The following ANKFN1 variants were observed in gnomAD, a reference collection of about 807,000 sequenced individuals.
ANKFN1 encodes ankyrin repeat and fibronectin type III domain containing 1.
A neutral mutation model predicts 108.7 loss-of-function variants in ANKFN1; 74 were observed. That is an observed-to-expected ratio of 0.68 (90% CI 0.56 to 0.83). The LOEUF is 0.83. Ranked by LOEUF, ANKFN1 falls within the 40% of genes least tolerant of loss-of-function variation. ANKFN1 has a pLI of 0.00. For missense variants in ANKFN1, 1,505 were observed against 1,382.3 expected (o/e 1.09, Z -1.41); for synonymous variants, 547 against 516.2 (o/e 1.06, Z -0.81).
At chr17:56,414,418 A>G (rs1049003704) in intron 8 of ANKFN1, among the ~76,000 whole-genome samples, 4 of 152,210 alleles carry the variant, frequency 2.6e-5, no homozygotes, top group African/African-American at 9.6e-5. Flanking sequence ...CACTTATACT[A>G]TAACCAGACA....
intron 3 of ANKFN1, among the ~76,000 whole-genome samples, chr17:56,256,195 A>T (rs1384199528): frequency 6.6e-6 from 1 of 152,206 alleles, no homozygotes; most frequent in Non-Finnish European, 1.5e-5. Context: ...GGAAAGATTA[A>T]TGAAAACATT....
At chr17:56,397,355 C>G (rs191111045) in intron 8 of ANKFN1, among the ~76,000 whole-genome samples, 12 of 152,280 alleles carry the variant, frequency 7.9e-5, no homozygotes, top group Middle Eastern at 3.4e-3. Flanking sequence ...AAGAACTACA[C>G]CAATCAATAG....
chr17:56,499,708 A>G (rs1276501092), intron 20 of ANKFN1, among the ~76,000 whole-genome samples: 1 of 152,090 alleles, frequency 6.6e-6, no homozygotes, highest in Non-Finnish European at 1.5e-5. Context: ...CTAGCAAGGC[A>G]CCTCTCCACC....
chr17:56,193,337 G>T (rs1436136776), intron 1 of ANKFN1, among the ~76,000 whole-genome samples: 1 of 147,056 alleles, frequency 6.8e-6, no homozygotes, highest in Non-Finnish European at 1.5e-5. Flanking sequence ...CACCAGCATG[G>T]CACATGTATA....
intron 4 of ANKFN1, among the ~76,000 whole-genome samples, chr17:56,084,019 C>T (rs112999848): frequency 1.2e-4 from 18 of 151,342 alleles, no homozygotes; most frequent in African/African-American, 4.1e-4. Flanking sequence ...AGAGCCTGTA[C>T]TCAGAGGGAA....
At chr17:56,174,763 G>A (rs1040085778) in intron 1 of ANKFN1, among the ~76,000 whole-genome samples, 3 of 152,094 alleles carry the variant, frequency 2.0e-5, no homozygotes, top group East Asian at 1.9e-4. Flanking sequence ...TCTCCCTAGC[G>A]GAGTCCCTCC....
At chr17:56,466,982 T>C (rs2050094155) in intron 15 of ANKFN1, among the ~76,000 whole-genome samples, 1 of 151,998 alleles carries the variant, frequency 6.6e-6, no homozygotes. Context: ...GCTGGGTATG[T>C]GGTGCACACT....
At chr17:56,194,449 T>C (rs1398422717) in intron 1 of ANKFN1, among the ~76,000 whole-genome samples, 1 of 152,126 alleles carries the variant, frequency 6.6e-6, no homozygotes, top group African/African-American at 2.4e-5. Context: ...AGCTCACAAG[T>C]CATGAAAAGA....
chr17:56,085,018 T>A (rs1905290849), intron 4 of ANKFN1, among the ~76,000 whole-genome samples: 1 of 150,894 alleles, frequency 6.6e-6, no homozygotes, highest in Admixed American at 6.6e-5. Flanking sequence ...GTAGATCACG[T>A]CTCCTGGTTT....
chr17:56,484,815 C>A (rs975858855), intron 18 of ANKFN1, among the ~76,000 whole-genome samples: 1 of 152,196 alleles, frequency 6.6e-6, no homozygotes, highest in Non-Finnish European at 1.5e-5. Flanking sequence ...CATTGTTATT[C>A]CATGATTACA....
chr17:56,326,772 T>C (rs1388884576), intron 4 of ANKFN1, among the ~76,000 whole-genome samples: 2 of 152,240 alleles, frequency 1.3e-5, no homozygotes, highest in Non-Finnish European at 2.9e-5. Flanking sequence ...TCCATCATGC[T>C]GATAATCCTG....
chr17:56,212,458 T>C (rs908618338), intron 1 of ANKFN1, among the ~76,000 whole-genome samples, 140 bp from the exon 2 acceptor site: 1 of 152,154 alleles, frequency 6.6e-6, no homozygotes, highest in Non-Finnish European at 1.5e-5. Context: ...TTGTTGAGGA[T>C]TTTTGCATTT....
intron 8 of ANKFN1, among the ~76,000 whole-genome samples, chr17:56,397,429 G>A (rs1363892079): frequency 6.6e-6 from 1 of 152,212 alleles, no homozygotes; most frequent in Non-Finnish European, 1.5e-5. Flanking sequence ...CACTGCCAAA[G>A]GAAGGATTTA....
chr17:56,287,013 G>T (rs746050894), intron 3 of ANKFN1, among the ~76,000 whole-genome samples: 7 of 152,098 alleles, frequency 4.6e-5, no homozygotes, highest in Non-Finnish European at 8.8e-5. Flanking sequence ...TGGGGGCGAG[G>T]CTTCTCTAAT....
At chr17:56,216,748 C>A (rs1182359299) in intron 2 of ANKFN1, among the ~76,000 whole-genome samples, 2 of 152,170 alleles carry the variant, frequency 1.3e-5, no homozygotes, top group Non-Finnish European at 2.9e-5. Context: ...TAAAGCAAAG[C>A]CTCAGGTGGA....
chr17:56,149,817 T>A (rs118125738), upstream of ANKFN1, among the ~76,000 whole-genome samples: 85 of 152,328 alleles, frequency 5.6e-4, 1 homozygote, highest in East Asian at 0.016. Context: ...CATCCCTCCC[T>A]ACCCCTCCAC....
intron 3 of ANKFN1, among the ~76,000 whole-genome samples, chr17:56,241,225 G>C (rs1917554879): frequency 6.6e-6 from 1 of 152,088 alleles, no homozygotes. Flanking sequence ...AGTGAGCTAT[G>C]ATTGTGCCAC....
At chr17:56,451,655 A>G (rs2049493197) in intron 11 of ANKFN1, among the ~76,000 whole-genome samples, 3 of 152,162 alleles carry the variant, frequency 2.0e-5, no homozygotes, top group Non-Finnish European at 4.4e-5. Context: ...CAAAGTCAGG[A>G]TAATATTACC....
chr17:56,510,349 A>G, intron 20 of ANKFN1, 124 bp from the exon 21 acceptor site: 1 of 808,814 alleles, frequency 1.2e-6, no homozygotes. Context: ...AGGAGGTGAC[A>G]GCAGGGCATT....
Sources: allele counts gnomAD v4.1 joint callset (sites outside exome capture counted in the v4.1 genomes callset), GRCh38; gene constraint gnomAD v4.1.1; transcripts MANE v1.5; gene names NCBI Gene and HGNC (gene_info 2026-07-23, HGNC 2026-07-21).